Variants in KLHL5 observed in about 807,000 individuals in gnomAD.
KLHL5 encodes the protein kelch-like protein 5.
A neutral mutation model predicts 77.7 loss-of-function variants in KLHL5; 48 were observed. The ratio of observed to expected loss-of-function variants is 0.62; its 90% confidence interval spans 0.49 to 0.79. The LOEUF is 0.79. Among genes scored for constraint, KLHL5 ranks in the 30% least tolerant of loss-of-function variants. KLHL5 has a pLI of 0.00. For missense variants in KLHL5, 723 were observed against 859.7 expected (o/e 0.84, Z 1.99); for synonymous variants, 260 against 297.0 (o/e 0.88, Z 1.28).
At chr4:39,056,333 A>G (rs567301617) in intron 1 of KLHL5, among the ~76,000 whole-genome samples, 10 of 152,304 alleles carry the variant, frequency 6.6e-5, no homozygotes, top group Non-Finnish European at 1.2e-4. Context: ...CTGGTCTCGA[A>G]TTCCTGACCT....
rs185985388 is a variant in KLHL5 at position 39,125,800 on chromosome 4, A to G, written c.*4734A>G. On this transcript the variant is annotated 3_prime_UTR_variant, in exon 11 of 11. Transcript: ENST00000504108. Reference sequence around the variant, plus strand: ...TTGCACAACATGGTGAAGGTACTCAATGTCACTAATGGTAAATTTCACATA... The same window carrying G: ...TTGCACAACATGGTGAAGGTACTCAGTGTCACTAATGGTAAATTTCACATA... Among the ~76,000 whole-genome samples, 12 of 152,314 alleles carry G rather than the reference A, an allele frequency of 7.9e-5. No homozygotes were observed. Among genetic ancestry groups the G allele is most frequent in the Non-Finnish European group, 1.6e-4 (11 of 68,036 alleles).
chr4:39,097,414 G>A (rs370060790), intron 6 of KLHL5, among the ~76,000 whole-genome samples: 2 of 152,302 alleles, frequency 1.3e-5, no homozygotes, highest in East Asian at 3.9e-4. Flanking sequence ...GTTACAAAGA[G>A]TAAAATAGTG....
At chr4:39,140,438 C>A in the KLHL5 span, among the ~76,000 whole-genome samples, 1 of 152,164 alleles carries the variant, frequency 6.6e-6, no homozygotes, top group African/African-American at 2.4e-5. Flanking sequence ...CAAACTATTT[C>A]AGGGTGATGG....
chr4:39,061,115 T>C (rs1717377808), upstream of KLHL5, among the ~76,000 whole-genome samples: 1 of 152,198 alleles, frequency 6.6e-6, no homozygotes, highest in South Asian at 2.1e-4. Flanking sequence ...TACCACTCCA[T>C]TGCCATCCTG....
intron 10 of KLHL5, among the ~76,000 whole-genome samples, chr4:39,119,948 C>G (rs994271808): frequency 6.6e-6 from 1 of 152,132 alleles, no homozygotes; most frequent in Non-Finnish European, 1.5e-5. Flanking sequence ...AAGAGACTTA[C>G]AGTGATCAAA....
chr4:39,132,823 T>C, the KLHL5 span, among the ~76,000 whole-genome samples: 3 of 152,178 alleles, frequency 2.0e-5, no homozygotes, highest in African/African-American at 7.2e-5. Context: ...GTTCATTTCA[T>C]TACACTAAGC....
At position 39,121,427 on chromosome 4, in the gene KLHL5, C is replaced by T. The variant is rs1314351138; in HGVS notation, c.*361C>T. 3 of 193,868 alleles carry T rather than the reference C, an allele frequency of 1.5e-5. No homozygotes were observed. The highest frequency in any genetic ancestry group is 1.2e-4 in the Admixed American group (2 of 16,998). 12.0% of individuals were successfully genotyped at this position (193,868 alleles called of 1,614,324 possible). On this transcript the variant is annotated 3_prime_UTR_variant, in exon 11 of 11. Coordinates refer to ENST00000504108, the MANE Select transcript of KLHL5 (RefSeq NM_015990.5). ...GATTTATTTTCCTACAGTGCAAACA[C>T]ACCAGATGAAACTTTAAAATGTTAC...
At chr4:39,070,549 C>CT (rs1296534983) in intron 1 of KLHL5, among the ~76,000 whole-genome samples, 5 of 152,108 alleles carry the variant, frequency 3.3e-5, no homozygotes, top group Admixed American at 1.3e-4. Context: ...GGGGTTTTCA[C>CT]ATTTGAGGGG....
chr4:39,075,404 T>G (rs1718923750), intron 1 of KLHL5, among the ~76,000 whole-genome samples: 2 of 152,158 alleles, frequency 1.3e-5, no homozygotes, highest in South Asian at 2.1e-4. Context: ...TTCAAATAAT[T>G]TTTTAGACAG....
At chr4:39,077,923 A>G (rs943804850) in intron 2 of KLHL5, among the ~76,000 whole-genome samples, 2 of 152,208 alleles carry the variant, frequency 1.3e-5, no homozygotes, top group Non-Finnish European at 2.9e-5. Flanking sequence ...GTGTATACAT[A>G]TATCATGGAA....
intron 1 of KLHL5, among the ~76,000 whole-genome samples, chr4:39,045,448 G>A (rs1325278576): frequency 6.6e-6 from 1 of 151,958 alleles, no homozygotes; most frequent in Middle Eastern, 3.2e-3. Flanking sequence ...CTGCTTTCCC[G>A]GACTGTCCCT....
At chr4:39,139,282 CA>C in the KLHL5 span, among the ~76,000 whole-genome samples, 2,732 of 57,408 alleles carry the variant, frequency 0.048, 43 homozygotes, top group African/African-American at 0.11. Context: ...AACTCCATCT[CA>C]AAAAAAAAAA....
the KLHL5 span, among the ~76,000 whole-genome samples, chr4:39,132,923 C>G: frequency 6.7e-6 from 1 of 148,566 alleles, no homozygotes; most frequent in Non-Finnish European, 1.5e-5. Flanking sequence ...ACTGCCATTA[C>G]TATAATCTGT....
chr4:39,077,184 C>T (rs1003908557), intron 2 of KLHL5, among the ~76,000 whole-genome samples: 13 of 151,970 alleles, frequency 8.6e-5, no homozygotes, highest in African/African-American at 1.7e-4. Flanking sequence ...TTTGGCCGGG[C>T]GCGGTGGCTC....
intron 4 of KLHL5, among the ~76,000 whole-genome samples, chr4:39,086,123 A>T (rs1441153114): frequency 6.6e-6 from 1 of 152,182 alleles, no homozygotes; most frequent in Non-Finnish European, 1.5e-5. Flanking sequence ...ATTCTTCAGC[A>T]CCCACAAATC....
At chr4:39,054,203 T>C (rs142408931) in intron 1 of KLHL5, among the ~76,000 whole-genome samples, 27 of 152,334 alleles carry the variant, frequency 1.8e-4, no homozygotes, top group African/African-American at 6.3e-4. Context: ...GCACAACTAC[T>C]CTACCTGCCT....
chr4:39,108,347 G>A (rs918300366), intron 8 of KLHL5, among the ~76,000 whole-genome samples: 3 of 152,008 alleles, frequency 2.0e-5, no homozygotes, highest in Admixed American at 6.6e-5. Context: ...GTCTGTGGTT[G>A]TTAAAGAAAG....
chr4:39,105,724 G>A (rs1721977444), intron 7 of KLHL5, among the ~76,000 whole-genome samples: 1 of 117,212 alleles, frequency 8.5e-6, no homozygotes, highest in African/African-American at 3.4e-5. Context: ...ACATATATGT[G>A]TGTATATATG....
intron 1 of KLHL5, among the ~76,000 whole-genome samples, chr4:39,049,322 T>C (rs1716448073): frequency 6.6e-6 from 1 of 152,210 alleles, no homozygotes; most frequent in African/African-American, 2.4e-5. Context: ...CACAATTAAG[T>C]TTGTTATTTT....
Sources: allele counts gnomAD v4.1 joint callset (sites outside exome capture counted in the v4.1 genomes callset), GRCh38; gene constraint gnomAD v4.1.1; transcripts MANE v1.5; gene names NCBI Gene and HGNC (gene_info 2026-07-23, HGNC 2026-07-21).